FAM178B: variants seen among roughly 807,000 people sequenced by gnomAD.
The protein encoded by FAM178B is family with sequence similarity 178 member B, also known as protein FAM178B.
FAM178B carries 82 observed loss-of-function variants against 91.7 expected under a neutral mutation model. That is an observed-to-expected ratio of 0.89 (90% CI 0.75 to 1.07). The LOEUF (loss-of-function observed/expected upper bound fraction) is 1.07. Ranked by LOEUF, FAM178B falls within the 50% of genes least tolerant of loss-of-function variation. FAM178B has a pLI of 0.00. For synonymous variants in FAM178B, 368 were observed against 359.4 expected, an observed-to-expected ratio of 1.02 and a Z score of -0.27; for missense variants, 769 against 846.7, an observed-to-expected ratio of 0.91 and a Z score of 1.14.
At chr2:96,971,488 T>C (rs556298375) in intron 3 of FAM178B, among the ~76,000 whole-genome samples, 24 of 152,220 alleles carry the variant, frequency 1.6e-4, no homozygotes, top group African/African-American at 4.8e-4. Context: ...AAGTTCATCA[T>C]TGAAGTTCCA....
chr2:96,985,500 G>T (rs1238815032), intron 1 of FAM178B, among the ~76,000 whole-genome samples: 1 of 152,066 alleles, frequency 6.6e-6, no homozygotes, highest in Non-Finnish European at 1.5e-5. Context: ...ATTTCAACAT[G>T]TCATCTCAGT....
chr2:96,907,159 C>G (rs540327364), intron 12 of FAM178B, among the ~76,000 whole-genome samples: 124 of 152,284 alleles, frequency 8.1e-4, no homozygotes, highest in South Asian at 1.4e-3. Context: ...TTGCTGTCCC[C>G]GCCTGCCCAC....
chr2:96,897,578 T>TG (rs746126969), intron 13 of FAM178B, among the ~76,000 whole-genome samples: 1 of 152,216 alleles, frequency 6.6e-6, no homozygotes, highest in Non-Finnish European at 1.5e-5. Context: ...CCTGTTGCAC[T>TG]GACCTAGAGT....
chr2:96,905,048 A>G (rs541944301), intron 12 of FAM178B, among the ~76,000 whole-genome samples: 1 of 146,404 alleles, frequency 6.8e-6, no homozygotes, highest in East Asian at 2.0e-4. Context: ...GGCAACCCCA[A>G]CTCTTAAAAA....
chr2:96,885,927 G>C (rs1260625294), intron 14 of FAM178B, among the ~76,000 whole-genome samples: 1 of 150,164 alleles, frequency 6.7e-6, no homozygotes, highest in East Asian at 2.0e-4. Flanking sequence ...GTGTAGAGTG[G>C]AGGGGGTCAC....
intron 4 of FAM178B, among the ~76,000 whole-genome samples, chr2:96,969,506 T>G (rs1459131634): frequency 6.6e-6 from 1 of 152,196 alleles, no homozygotes; most frequent in Non-Finnish European, 1.5e-5. Flanking sequence ...AAGCCCCCAG[T>G]GTGTGCCATC....
intron 12 of FAM178B, among the ~76,000 whole-genome samples, chr2:96,914,673 G>A (rs905693450): frequency 1.3e-5 from 2 of 152,180 alleles, no homozygotes; most frequent in Non-Finnish European, 2.9e-5. Flanking sequence ...AGGATCACTT[G>A]AGCCCAGGGG....
intron 4 of FAM178B, 106 bp downstream of exon 4, chr2:96,970,610 T>C: frequency 1.2e-6 from 1 of 850,140 alleles, no homozygotes; most frequent in Non-Finnish European, 1.9e-6. Flanking sequence ...AGGCTGAGTC[T>C]GGGTGGGAGG....
intron 6 of FAM178B, among the ~76,000 whole-genome samples, chr2:96,959,136 T>C (rs1335209653): frequency 7.0e-6 from 1 of 143,470 alleles, no homozygotes; most frequent in East Asian, 2.1e-4. Context: ...GAGGCGGAGG[T>C]TGCAGTGAGC....
At chr2:96,887,861 G>A (rs545294929) in intron 14 of FAM178B, among the ~76,000 whole-genome samples, 2 of 152,318 alleles carry the variant, frequency 1.3e-5, no homozygotes, top group African/African-American at 4.8e-5. Context: ...GGAGGACTGG[G>A]CCTGGGTGGG....
At position 96,943,517 on chromosome 2, in the gene FAM178B, T is replaced by C. The variant is rs546120879; in HGVS notation, c.1078+4301A>G. Among the ~76,000 whole-genome samples, 3 of 152,360 alleles carry C rather than the reference T, an allele frequency of 2.0e-5. No homozygotes were observed. The East Asian group carries it at 5.8e-4, about 29-fold the overall frequency. ...GTTTCTTTTTGGGGAGATGAAAATG[T>C]TCTGGAAGTAGACAGTGGTGATGAT... is the stretch of plus-strand genomic sequence containing the variant. On this transcript the variant is annotated intron_variant, in intron 8 of 16. Transcript: ENST00000490605.
chr2:96,903,445 G>A (rs1351994057), intron 12 of FAM178B, among the ~76,000 whole-genome samples: 1 of 152,138 alleles, frequency 6.6e-6, no homozygotes, highest in Non-Finnish European at 1.5e-5. Flanking sequence ...CAAACTTCAT[G>A]GTTTTCTTTT....
chr2:96,876,053 G>A lies in FAM178B; in HGVS notation c.*223C>T. 3.5e-6 allele frequency: 2 copies of A among 573,312 alleles called. No homozygotes were observed. Among genetic ancestry groups the A allele is most frequent in the African/African-American group, 1.9e-5 (1 of 51,898 alleles). The allele number at this position is 573,312 out of a possible 1,614,324, so 35.5% of individuals were successfully genotyped here. ...AGGGCTGAGGGGTGGGCGAGGCAGA[G>A]AGGCCCATCCCTTGCTGAGAGGAGA... On this transcript the variant is annotated 3_prime_UTR_variant, in exon 17 of 17. Coordinates refer to ENST00000490605, the MANE Select transcript of FAM178B (RefSeq NM_001122646.3).
At chr2:96,923,999 C>T (rs948775036) in intron 9 of FAM178B, among the ~76,000 whole-genome samples, 2 of 152,240 alleles carry the variant, frequency 1.3e-5, no homozygotes, top group Admixed American at 6.5e-5. Flanking sequence ...CCTTCCACAA[C>T]CTAACCTCGA....
chr2:96,963,426 A>G (rs2082107323), intron 5 of FAM178B, among the ~76,000 whole-genome samples: 1 of 152,172 alleles, frequency 6.6e-6, no homozygotes, highest in Non-Finnish European at 1.5e-5. Context: ...AATTCAGTCT[A>G]CATGCCCCAC....
intron 5 of FAM178B, among the ~76,000 whole-genome samples, chr2:96,961,751 A>T (rs2082084537): frequency 6.6e-6 from 1 of 152,018 alleles, no homozygotes; most frequent in African/African-American, 2.4e-5. Context: ...CAGCCCACCA[A>T]CCTAGCACAT....
At chr2:96,895,236 A>G (rs1559056642) in intron 13 of FAM178B, 1 of 564,870 alleles carries the variant, frequency 1.8e-6, no homozygotes, top group South Asian at 1.9e-5. Flanking sequence ...TCTAATCATA[A>G]TACCATTTCT....
intron 13 of FAM178B, among the ~76,000 whole-genome samples, chr2:96,900,453 G>A (rs953231734): frequency 1.3e-5 from 2 of 152,200 alleles, no homozygotes; most frequent in Admixed American, 6.5e-5. Context: ...GCCAGGTGCC[G>A]AGGGGCAGCA....
rs565236305 is a variant in FAM178B at position 96,954,838 on chromosome 2, C to T, written c.888-3354G>A. On this transcript the variant is annotated intron_variant, in intron 6 of 16. Coordinates refer to ENST00000490605, the MANE Select transcript of FAM178B (RefSeq NM_001122646.3). ...GCCCAGGCAGGAGGATAGCTTGAGG[C>T]CAGGAATTTGAGACCAGCCTAGGCA... 2.0e-5 allele frequency among the ~76,000 whole-genome samples: 3 copies of T among 152,188 alleles called. No individual in the cohort carries two copies. The East Asian group carries it at 5.8e-4, about 29-fold the overall frequency.
Sources: allele counts gnomAD v4.1 joint callset (sites outside exome capture counted in the v4.1 genomes callset), GRCh38; gene constraint gnomAD v4.1.1; transcripts MANE v1.5; gene names NCBI Gene and HGNC (gene_info 2026-07-23, HGNC 2026-07-21).